The following MS4A13 variants were observed in gnomAD, a reference collection of about 807,000 sequenced individuals.
The protein encoded by MS4A13 is membrane spanning 4-domains A13.
Under a neutral mutation model 18.4 loss-of-function variants are expected in MS4A13, and 21 were observed. That is an observed-to-expected ratio of 1.14 (90% CI 0.81 to 1.64). The LOEUF (loss-of-function observed/expected upper bound fraction) is 1.64. Ranked by LOEUF, MS4A13 falls within the 40% of genes most tolerant of loss-of-function variation. The probability of loss-of-function intolerance (pLI) is 0.00; values close to 1 mark genes in which losing one functional copy is unlikely to be tolerated. For synonymous variants in MS4A13, 62 were observed against 57.2 expected, an observed-to-expected ratio of 1.08 and a Z score of -0.38; for missense variants, 173 against 176.8, an observed-to-expected ratio of 0.98 and a Z score of 0.12.
At chr11:60,532,091 C>T (rs1040982477) in intron 6 of MS4A13, among the ~76,000 whole-genome samples, 25 of 152,304 alleles carry the variant, frequency 1.6e-4, no homozygotes, top group Admixed American at 2.0e-4. Context: ...ATAGACATAG[C>T]GTCTTTGAGC....
chr11:60,529,396 T>A lies in MS4A13; in HGVS notation c.338T>A (p.Leu113Gln). 1 of 1,609,166 alleles carries A rather than the reference T, an allele frequency of 6.2e-7. No individual in the cohort carries two copies. Among genetic ancestry groups the A allele is most frequent in the Non-Finnish European group, 8.5e-7 (1 of 1,177,668 alleles). The change falls in exon 6 of 7, where the codon CTG (leucine) becomes CAG (glutamine). Residue 113 changes from leucine (L) to glutamine (Q), a missense_variant. Transcript: ENST00000378186. ...GGGAGGGAAGTATCACGTATTTTACTGTTCTTCTACGGTTTGGAATTTTCT... is the reference window on the plus strand; with the variant it reads ...GGGAGGGAAGTATCACGTATTTTACAGTTCTTCTACGGTTTGGAATTTTCT... Reference protein sequence around the residue: ...KLGREVSRILLFFYGLEFSIA... With the variant: ...KLGREVSRILQFFYGLEFSIA...
intron 6 of MS4A13, among the ~76,000 whole-genome samples, chr11:60,532,852 G>A (rs1002824953): frequency 1.3e-5 from 1 of 77,212 alleles, no homozygotes; most frequent in African/African-American, 5.0e-5. Flanking sequence ...CTCCTCAAGT[G>A]GGTCCCTGAC....
At chr11:60,529,337 A>C (rs1405162929) in intron 5 of MS4A13, 28 bp from the exon 6 acceptor site, 2 of 1,344,890 alleles carry the variant, frequency 1.5e-6, no homozygotes, top group East Asian at 5.0e-5. Flanking sequence ...TAATAGCATT[A>C]AGATTTCTCC....
intron 3 of MS4A13, among the ~76,000 whole-genome samples, chr11:60,523,206 G>A (rs989260416): frequency 5.9e-5 from 9 of 152,262 alleles, no homozygotes; most frequent in Admixed American, 1.3e-4. Flanking sequence ...TACATATAGT[G>A]TATAGCATGA....
In MS4A13 at chr11:60,529,461, GT is replaced by G; in HGVS notation, c.402+2del. Reference sequence around the variant, plus strand: ...CTCAATATACAGCTGTTCCAATTTGGTAAGTGTTTACCCACTCTCTGGCAAA... The same window carrying G: ...CTCAATATACAGCTGTTCCAATTTGGAAGTGTTTACCCACTCTCTGGCAAA... On this transcript the variant is annotated splice_donor_variant, in intron 6 of 6. Coordinates refer to ENST00000378186, the MANE Select transcript of MS4A13 (RefSeq NM_001012417.3). LOFTEE classifies it high-confidence loss of function. 6.4e-7 allele frequency: 1 copy of G among 1,573,484 alleles called. No individual in the cohort carries two copies. The highest frequency in any genetic ancestry group is 1.4e-5 in the African/African-American group (1 of 73,272).
chr11:60,530,762 G>A lies in MS4A13; in HGVS notation c.402+1302G>A, dbSNP rs2086759695. ...TTGTAATCCCCAGGTTTTGAGGGAG[G>A]AACCTGATGGGAGGAAACTGGATCA... On this transcript the variant is annotated intron_variant, in intron 6 of 6. Coordinates refer to ENST00000378186, the MANE Select transcript of MS4A13 (RefSeq NM_001012417.3). Among the ~76,000 whole-genome samples, 4 of 152,286 alleles carry A rather than the reference G, an allele frequency of 2.6e-5. No homozygotes were observed. The South Asian group carries it at 8.3e-4, about 32-fold the overall frequency.
intron 5 of MS4A13, among the ~76,000 whole-genome samples, chr11:60,529,020 G>A (rs1299791890): frequency 6.6e-6 from 1 of 152,168 alleles, no homozygotes; most frequent in Non-Finnish European, 1.5e-5. Context: ...CTTATCATTA[G>A]AGACAGGAAA....
intron 6 of MS4A13, among the ~76,000 whole-genome samples, chr11:60,531,821 G>A (rs1404118528): frequency 6.6e-6 from 1 of 152,000 alleles, no homozygotes. Context: ...TTAGATTAGG[G>A]CTCATTCTAA....
intron 2 of MS4A13, among the ~76,000 whole-genome samples, chr11:60,517,207 A>G (rs4598689): frequency 0.95 from 145,129 of 152,038 alleles, 69,642 homozygotes; most frequent in East Asian, 1. Context: ...AAACTTCTCC[A>G]AAATGTATTT....
chr11:60,520,841 A>C (rs995276097), intron 3 of MS4A13, among the ~76,000 whole-genome samples: 6 of 152,078 alleles, frequency 3.9e-5, no homozygotes, highest in Non-Finnish European at 8.8e-5. Flanking sequence ...GGCAGCTCCG[A>C]CCCCACATTT....
chr11:60,519,023 C>T (rs994907149), intron 3 of MS4A13, among the ~76,000 whole-genome samples: 2 of 151,972 alleles, frequency 1.3e-5, no homozygotes. Flanking sequence ...AGGACTGAAC[C>T]AAAAGAAAGA....
chr11:60,527,406 C>CTGTG (rs1408422219), intron 5 of MS4A13, among the ~76,000 whole-genome samples: 52 of 46,078 alleles, frequency 1.1e-3, no homozygotes, highest in Admixed American at 5.3e-3. Context: ...CTCTCTCTCT[C>CTGTG]TCTCTGTGTG....
chr11:60,532,523 G>A (rs952190777), intron 6 of MS4A13, among the ~76,000 whole-genome samples: 64 of 152,338 alleles, frequency 4.2e-4, no homozygotes, highest in African/African-American at 1.5e-3. Context: ...AGGGTCCTAC[G>A]CCCACGGAAT....
intron 3 of MS4A13, among the ~76,000 whole-genome samples, chr11:60,520,205 T>G (rs2086664631): frequency 6.6e-6 from 1 of 152,120 alleles, no homozygotes; most frequent in Non-Finnish European, 1.5e-5. Context: ...GTTCTCATGA[T>G]AGTGAATAAG....
At chr11:60,527,445 T>TGTGTGTGTGTGTGTG (rs2086726963) in intron 5 of MS4A13, among the ~76,000 whole-genome samples, 17 of 149,408 alleles carry the variant, frequency 1.1e-4, no homozygotes, top group East Asian at 2.0e-4. Flanking sequence ...TGTGTGTGTG[T>TGTGTGTGTGTGTGTG]TTCCGTTTCC....
At chr11:60,528,391 GGAGT>G (rs1379987431) in intron 5 of MS4A13, among the ~76,000 whole-genome samples, 1 of 152,128 alleles carries the variant, frequency 6.6e-6, no homozygotes, top group Non-Finnish European at 1.5e-5. Flanking sequence ...GTAATAGCTT[GGAGT>G]GAACCTCCTG....
At chr11:60,532,556 G>T (rs924309875) in intron 6 of MS4A13, among the ~76,000 whole-genome samples, 2 of 152,188 alleles carry the variant, frequency 1.3e-5, no homozygotes, top group African/African-American at 4.8e-5. Flanking sequence ...TAGCACAGCA[G>T]TCTCAGATCA....
intron 5 of MS4A13, 86 bp from the exon 6 acceptor site, chr11:60,529,279 T>TTTAAA: frequency 1.3e-5 from 3 of 233,524 alleles, no homozygotes; most frequent in African/African-American, 2.9e-5. Flanking sequence ...TTTTTTTGAC[T>TTTAAA]CTCATACCAG....
chr11:60,541,531 T>C (rs1430104080), intron 6 of MS4A13, among the ~76,000 whole-genome samples: 1 of 152,152 alleles, frequency 6.6e-6, no homozygotes, highest in Non-Finnish European at 1.5e-5. Flanking sequence ...AAAAAATCCA[T>C]TCATATGAAG....
Sources: allele counts gnomAD v4.1 joint callset (sites outside exome capture counted in the v4.1 genomes callset), GRCh38; gene constraint gnomAD v4.1.1; transcripts MANE v1.5; gene names NCBI Gene and HGNC (gene_info 2026-07-23, HGNC 2026-07-21).